Variants in FGFR2 observed in about 807,000 individuals in gnomAD.
FGFR2 encodes BEK fibroblast growth factor receptor.
A neutral mutation model predicts 95.9 loss-of-function variants in FGFR2; 19 were observed. The ratio of observed to expected loss-of-function variants is 0.20; its 90% CI spans 0.14 to 0.29. The LOEUF (loss-of-function observed/expected upper bound fraction) is 0.29. FGFR2 is among the 10% of genes least tolerant of loss of function. FGFR2 has a pLI of 1.00. For synonymous variants in FGFR2, 392 were observed against 393.3 expected, an observed-to-expected ratio of 1.00 and a Z score of 0.04; for missense variants, 707 against 1,056.9, an observed-to-expected ratio of 0.67 and a Z score of 4.59.
Position 121,479,762 on chromosome 10 carries a change from A to C in FGFR2, c.*95T>G. ...TTTACTCCTCTGATCCATATATACA[A>C]GTGGAGACAACAAGCTCTGGGAGGC... On this transcript the variant is annotated 3_prime_UTR_variant, in exon 18 of 18. Transcript: ENST00000358487. 1.2e-6 allele frequency: 2 copies of C among 1,612,974 alleles called. No homozygotes were observed. The highest frequency in any genetic ancestry group is 1.7e-6 in the Non-Finnish European group (2 of 1,179,046).
intron 2 of FGFR2, among the ~76,000 whole-genome samples, chr10:121,578,135 C>T (rs1162122940): frequency 6.6e-6 from 1 of 152,158 alleles, no homozygotes; most frequent in Non-Finnish European, 1.5e-5. Context: ...CTCTTGTAGC[C>T]ACCGCAGACC....
At chr10:121,587,656 C>T (rs1215464489) in intron 2 of FGFR2, among the ~76,000 whole-genome samples, 1 of 151,982 alleles carries the variant, frequency 6.6e-6, no homozygotes, top group Admixed American at 6.6e-5. Flanking sequence ...AAAAAAAGCT[C>T]ATCACTAGAG....
At chr10:121,558,617 T>G (rs552892181) in intron 4 of FGFR2, among the ~76,000 whole-genome samples, 224 of 151,968 alleles carry the variant, frequency 1.5e-3, no homozygotes, top group African/African-American at 2.5e-3. Context: ...TTTGTTTTTT[T>G]TTTTTTTTGA....
rs145133345 is a variant in FGFR2 at position 121,498,403 on chromosome 10, C to T, written c.1672+92G>A. 113 of 850,264 alleles carry T rather than the reference C, an allele frequency of 1.3e-4. 1 individual carries two copies. The East Asian group carries it at 2.7e-3, about 20-fold the overall frequency. The allele number at this position is 850,264 out of a possible 1,614,324, so 52.7% of individuals were successfully genotyped here. A position where few individuals can be genotyped will look rare whatever the true frequency, so the allele number is the denominator to read the frequency against. On this transcript the variant is annotated intron_variant, in intron 12 of 17. Transcript: ENST00000358487. The stretch of plus-strand genomic sequence containing the variant: ...ACTTTAAACATGCACACAGGGTGCT[C>T]TGGGAGCAGGATCTGGAAGCCCAGC...
intron 6 of FGFR2, among the ~76,000 whole-genome samples, chr10:121,527,154 C>G (rs1046255478): frequency 8.5e-5 from 13 of 152,196 alleles, no homozygotes; most frequent in Non-Finnish European, 1.3e-4. Context: ...CAGGTGGAGG[C>G]AAAGTACCTT....
intron 6 of FGFR2, among the ~76,000 whole-genome samples, chr10:121,532,875 C>T (rs1852279558): frequency 6.6e-6 from 1 of 152,176 alleles, no homozygotes; most frequent in Non-Finnish European, 1.5e-5. Flanking sequence ...CAGGCTGTGT[C>T]CTATCATGTC....
chr10:121,480,602 GA>G (rs1844553701), intron 17 of FGFR2: 1 of 217,666 alleles, frequency 4.6e-6, no homozygotes, highest in African/African-American at 2.3e-5. Flanking sequence ...TAATTTAACA[GA>G]TGTAACTGAT....
In FGFR2 at chr10:121,487,422, C is replaced by A. The variant is rs768200252; in HGVS notation, c.1989G>T (p.Gly663=). The change falls in exon 15 of 18, where the codon GGG becomes GGT. Residue 663 remains glycine (G), a splice_region_variant and synonymous_variant. Coordinates refer to ENST00000358487, the MANE Select transcript of FGFR2 (RefSeq NM_000141.5). ...GAGCCATCCACTTGACTGGAAGCCG[C>A]CCCTGCAAATGTAGAGGAAAATGCA... ...NIDYYKKTTN[G]RLPVKWMAPE... is the part of the protein sequence containing the mutation. 6.2e-7 allele frequency: 1 copy of A among 1,613,904 alleles called. No individual in the cohort carries two copies. The highest frequency in any genetic ancestry group is 1.1e-5 in the South Asian group (1 of 91,050).
intron 6 of FGFR2, among the ~76,000 whole-genome samples, chr10:121,528,650 G>A (rs1486370789): frequency 1.3e-5 from 2 of 152,166 alleles, no homozygotes; most frequent in East Asian, 1.9e-4. Flanking sequence ...TAACATGAGA[G>A]GCTGAACAAT....
chr10:121,500,781 A>C (rs1213742832), intron 11 of FGFR2, 45 bp downstream of exon 11: 3 of 1,609,134 alleles, frequency 1.9e-6, no homozygotes, highest in Non-Finnish European at 2.5e-6. Flanking sequence ...TCTTGATAAG[A>C]CTCTCCACCC....
At chr10:121,484,669 C>A (rs1845180470) in intron 16 of FGFR2, among the ~76,000 whole-genome samples, 1 of 152,202 alleles carries the variant, frequency 6.6e-6, no homozygotes, top group African/African-American at 2.4e-5. Context: ...GATTCTATTG[C>A]ACCAGGCACA....
chr10:121,483,210 T>C (rs3135811), intron 17 of FGFR2, among the ~76,000 whole-genome samples: 114,349 of 152,166 alleles, frequency 0.75, 43,903 homozygotes, highest in East Asian at 0.98. Context: ...GCAAGGCATA[T>C]AGCATTACCA....
At chr10:121,569,808 C>G (rs1021046776) in intron 2 of FGFR2, among the ~76,000 whole-genome samples, 1 of 152,212 alleles carries the variant, frequency 6.6e-6, no homozygotes, top group African/African-American at 2.4e-5. Flanking sequence ...CTCCCTCCAC[C>G]CCTTCAGTGG....
chr10:121,544,285 A>G (rs959853093), intron 5 of FGFR2, among the ~76,000 whole-genome samples: 1 of 151,948 alleles, frequency 6.6e-6, no homozygotes, highest in Non-Finnish European at 1.5e-5. Flanking sequence ...GTCTCTACTA[A>G]AAATACAAAA....
chr10:121,488,263 G>A lies in FGFR2; in HGVS notation c.1864-150C>T, dbSNP rs572505314. On this transcript the variant is annotated intron_variant, in intron 13 of 17. Coordinates refer to ENST00000358487, the MANE Select transcript of FGFR2 (RefSeq NM_000141.5). ...ATACTATAAGAAATACAGTGTGGCCGGGTGCGGTGGCTCATGCCTGTAATA... is the reference window on the plus strand; with the variant it reads ...ATACTATAAGAAATACAGTGTGGCCAGGTGCGGTGGCTCATGCCTGTAATA... The A allele has an allele frequency of 3.9e-4, 435 of 1,114,368 alleles. 2 individuals carry two copies. The highest frequency in any genetic ancestry group is 2.0e-4 in the Admixed American group (10 of 49,004). The allele number at this position is 1,114,368 out of a possible 1,614,324, so 69.0% of individuals were successfully genotyped here.
chr10:121,495,836 T>C (rs1846726914), intron 13 of FGFR2, among the ~76,000 whole-genome samples: 1 of 152,200 alleles, frequency 6.6e-6, no homozygotes, highest in South Asian at 2.1e-4. Context: ...TCCGCTTCCC[T>C]ATGTGTGGGG....
chr10:121,552,724 C>T (rs1464447856), intron 4 of FGFR2, among the ~76,000 whole-genome samples: 1 of 152,262 alleles, frequency 6.6e-6, no homozygotes, highest in Non-Finnish European at 1.5e-5. Context: ...CTCTACTGTA[C>T]AGCAATTTAA....
chr10:121,555,380 TCA>T (rs1413887611), intron 4 of FGFR2, among the ~76,000 whole-genome samples: 6 of 146,602 alleles, frequency 4.1e-5, no homozygotes, highest in Non-Finnish European at 7.7e-5. Flanking sequence ...TCTCAATCAA[TCA>T]ATCAATCAAT....
intron 2 of FGFR2, among the ~76,000 whole-genome samples, chr10:121,568,111 A>G (rs1292876824): frequency 6.6e-6 from 1 of 152,170 alleles, no homozygotes; most frequent in Non-Finnish European, 1.5e-5. Context: ...AAAAGAAAGG[A>G]AGAGAAATAT....
Sources: allele counts gnomAD v4.1 joint callset (sites outside exome capture counted in the v4.1 genomes callset), GRCh38; gene constraint gnomAD v4.1.1; transcripts MANE v1.5; gene names NCBI Gene and HGNC (gene_info 2026-07-23, HGNC 2026-07-21).